NBEA: variants seen among roughly 807,000 people sequenced by gnomAD.
The protein encoded by NBEA is neurobeachin, also known as lysosomal-trafficking regulator 2.
A neutral mutation model predicts 343.4 loss-of-function variants in NBEA; 44 were observed. The ratio of observed to expected loss-of-function variants is 0.13; its 90% CI spans 0.10 to 0.16. The LOEUF (loss-of-function observed/expected upper bound fraction) is 0.16. Ranked by LOEUF, NBEA falls within the 10% of genes least tolerant of loss-of-function variation. NBEA has a pLI of 1.00. For missense variants in NBEA, 2,555 were observed against 3,631.3 expected (o/e 0.70, Z 7.62); for synonymous variants, 1,175 against 1,238.7 (o/e 0.95, Z 1.08).
chr13:35,322,086 C>G (rs536072556), intron 36 of NBEA, among the ~76,000 whole-genome samples: 2 of 152,208 alleles, frequency 1.3e-5, no homozygotes, highest in East Asian at 3.9e-4. Context: ...GGCTTCAGCC[C>G]CCTTTGCAGG....
At chr13:35,405,121 A>G (rs2043207458) in intron 38 of NBEA, among the ~76,000 whole-genome samples, 1 of 152,188 alleles carries the variant, frequency 6.6e-6, no homozygotes, top group South Asian at 2.1e-4. Context: ...TTGAAAAGAA[A>G]CAAATCTGGA....
chr13:35,671,012 G>A lies in NBEA; in HGVS notation c.*21G>A, dbSNP rs1436780962. 2 of 1,533,570 alleles carry A rather than the reference G, an allele frequency of 1.3e-6. No individual in the cohort carries two copies. The highest frequency in any genetic ancestry group is 2.4e-5 in the East Asian group (1 of 42,174). 95.0% of individuals were successfully genotyped at this position (1,533,570 alleles called of 1,614,324 possible). Reference sequence around the variant, plus strand: ...ACTGAAGATAAAGGAAGAACCAAAAGCCAAGTTAAAGCTGAGAGCACAAGT... The same window carrying A: ...ACTGAAGATAAAGGAAGAACCAAAAACCAAGTTAAAGCTGAGAGCACAAGT... On this transcript the variant is annotated 3_prime_UTR_variant, in exon 59 of 59. Coordinates refer to ENST00000379939, the MANE Select transcript of NBEA (RefSeq NM_001385012.1).
At chr13:34,969,348 GT>G (rs1417001269) in intron 1 of NBEA, among the ~76,000 whole-genome samples, 3 of 150,600 alleles carry the variant, frequency 2.0e-5, no homozygotes, top group Admixed American at 2.0e-4. Flanking sequence ...TTTGGTTTCC[GT>G]TTTTTCTTTT....
intron 1 of NBEA, among the ~76,000 whole-genome samples, chr13:35,025,926 A>G (rs1489372328): frequency 6.6e-6 from 1 of 151,802 alleles, no homozygotes; most frequent in East Asian, 1.9e-4. Flanking sequence ...TTAGCTCCTT[A>G]TTCCTATTCT....
At chr13:35,305,934 T>G (rs1353042069) in intron 35 of NBEA, among the ~76,000 whole-genome samples, 3 of 152,192 alleles carry the variant, frequency 2.0e-5, no homozygotes, top group Admixed American at 6.5e-5. Flanking sequence ...CTGAGTATTC[T>G]ATTCTTCATA....
At chr13:35,427,476 C>T (rs943125014) in intron 38 of NBEA, among the ~76,000 whole-genome samples, 8 of 152,124 alleles carry the variant, frequency 5.3e-5, no homozygotes, top group Admixed American at 1.3e-4. Flanking sequence ...ATGCTGCTGC[C>T]GAATCGTTCC....
At chr13:35,546,493 A>G (rs1476261553) in intron 41 of NBEA, among the ~76,000 whole-genome samples, 2 of 151,908 alleles carry the variant, frequency 1.3e-5, no homozygotes, top group Non-Finnish European at 1.5e-5. Context: ...GAGTTACATG[A>G]TAACTCTTAA....
intron 45 of NBEA, among the ~76,000 whole-genome samples, chr13:35,575,499 CAAAGAA>C (rs1189102898): frequency 1.3e-5 from 2 of 152,104 alleles, no homozygotes; most frequent in East Asian, 3.9e-4. Flanking sequence ...AATTTTTAAG[CAAAGAA>C]AAAGTACCAA....
intron 31 of NBEA, among the ~76,000 whole-genome samples, chr13:35,202,087 C>T (rs1163336953): frequency 6.6e-6 from 1 of 152,058 alleles, no homozygotes; most frequent in Non-Finnish European, 1.5e-5. Context: ...TTCCTTTAAC[C>T]TACCTTGTTT....
intron 35 of NBEA, among the ~76,000 whole-genome samples, chr13:35,298,114 C>G (rs1315236684): frequency 6.7e-6 from 1 of 149,974 alleles, no homozygotes; most frequent in Non-Finnish European, 1.5e-5. Flanking sequence ...TCTAATCTTA[C>G]AGTAAAATAA....
intron 34 of NBEA, among the ~76,000 whole-genome samples, chr13:35,248,745 G>A (rs1566516743): frequency 6.6e-6 from 1 of 152,166 alleles, no homozygotes; most frequent in Non-Finnish European, 1.5e-5. Context: ...ACATGTAAAG[G>A]AATGTTGTTG....
chr13:35,434,345 A>T (rs1246264419), intron 39 of NBEA, among the ~76,000 whole-genome samples: 1 of 152,168 alleles, frequency 6.6e-6, no homozygotes, highest in African/African-American at 2.4e-5. Context: ...TATGTACTAT[A>T]TTTTAAAATA....
chr13:34,973,492 C>T (rs951836465), intron 1 of NBEA, among the ~76,000 whole-genome samples: 5 of 152,136 alleles, frequency 3.3e-5, no homozygotes, highest in Admixed American at 6.5e-5. Flanking sequence ...AGAGAACATT[C>T]GCCAGGGTGT....
chr13:35,527,981 A>C (rs1357873988), intron 41 of NBEA, among the ~76,000 whole-genome samples: 1 of 152,190 alleles, frequency 6.6e-6, no homozygotes, highest in Non-Finnish European at 1.5e-5. Context: ...TGGGTGACAA[A>C]GCAAGACCCT....
intron 38 of NBEA, among the ~76,000 whole-genome samples, chr13:35,373,707 A>AAATAAT (rs60612475): frequency 0.064 from 9,526 of 149,750 alleles, 351 homozygotes; most frequent in African/African-American, 0.095. Context: ...ACTGTCTCAA[A>AAATAAT]AATAATAATA....
chr13:35,025,579 A>G (rs2061991882), intron 1 of NBEA, among the ~76,000 whole-genome samples: 2 of 151,940 alleles, frequency 1.3e-5, no homozygotes, highest in African/African-American at 4.8e-5. Flanking sequence ...TACGGTTTGA[A>G]GTTGAGTAGT....
intron 18 of NBEA, among the ~76,000 whole-genome samples, chr13:35,143,691 GA>G (rs2068222542): frequency 6.6e-6 from 1 of 152,022 alleles, no homozygotes; most frequent in Non-Finnish European, 1.5e-5. Flanking sequence ...GAGACATTGA[GA>G]AAGGGAGATG....
intron 30 of NBEA, among the ~76,000 whole-genome samples, chr13:35,192,232 CA>C (rs1350892645): frequency 2.6e-5 from 4 of 151,982 alleles, no homozygotes; most frequent in Admixed American, 6.6e-5. Context: ...ATTAAATCCT[CA>C]AAGTACTTTA....
intron 30 of NBEA, among the ~76,000 whole-genome samples, chr13:35,188,900 CTTTTTGTTTTTT>C (rs1393604488): frequency 1.5e-5 from 2 of 137,822 alleles, no homozygotes; most frequent in African/African-American, 5.4e-5. Context: ...CTATATTTTA[CTTTTTGTTTTTT>C]TTTTTTTTTT....
Sources: allele counts gnomAD v4.1 joint callset (sites outside exome capture counted in the v4.1 genomes callset), GRCh38; gene constraint gnomAD v4.1.1; transcripts MANE v1.5; gene names NCBI Gene and HGNC (gene_info 2026-07-23, HGNC 2026-07-21).